The following PLCZ1 variants were observed in gnomAD, a reference collection of about 807,000 sequenced individuals.
The protein encoded by PLCZ1 is phospholipase C zeta 1.
PLCZ1 carries 64 observed loss-of-function variants against 76.8 expected under a neutral mutation model. That is an observed-to-expected ratio of 0.83 (90% confidence interval 0.68 to 1.03). The LOEUF is 1.03. Among genes scored for constraint, PLCZ1 ranks in the 50% least tolerant of loss-of-function variants. The pLI is 0.00. For missense variants in PLCZ1, 751 were observed against 713.7 expected (o/e 1.05, Z -0.60); for synonymous variants, 248 against 230.8 (o/e 1.07, Z -0.68).
At chr12:18,724,723 G>A (rs1479012623) in intron 3 of PLCZ1, among the ~76,000 whole-genome samples, 3 of 152,016 alleles carry the variant, frequency 2.0e-5, no homozygotes, top group African/African-American at 7.2e-5. Flanking sequence ...TGTGGAAGCG[G>A]ATGTTATAGA....
chr12:18,657,066 CA>C, the PLCZ1 span, among the ~76,000 whole-genome samples: 2 of 151,882 alleles, frequency 1.3e-5, no homozygotes, highest in African/African-American at 4.8e-5. Flanking sequence ...CTAGTGATCC[CA>C]AAAAAACAAG....
chr12:18,675,561 C>A, the PLCZ1 span, among the ~76,000 whole-genome samples: 1 of 152,132 alleles, frequency 6.6e-6, no homozygotes, highest in Non-Finnish European at 1.5e-5. Flanking sequence ...CAAAAACATA[C>A]CTGCACCTGT....
intron 4 of PLCZ1, among the ~76,000 whole-genome samples, chr12:18,720,401 T>C (rs1329261679): frequency 1.3e-5 from 2 of 151,472 alleles, no homozygotes; most frequent in Non-Finnish European, 2.9e-5. Flanking sequence ...TTCTGGGTCA[T>C]TTGTATCTGA....
rs368108617 is a variant in PLCZ1, at chr12:18,737,458, T to A, written c.-87A>T. 2 of 1,555,680 alleles carry A rather than the reference T, an allele frequency of 1.3e-6. No individual in the cohort carries two copies. The highest frequency in any genetic ancestry group is 1.4e-5 in the African/African-American group (1 of 73,576). ...CATGGGTTCCAAATACAATTAACTC[T>A]GCCCCTTTGCAGAAAATAATTTCTT... is the stretch of plus-strand genomic sequence containing the variant. On this transcript the variant is annotated 5_prime_UTR_variant, in exon 2 of 15. Coordinates refer to ENST00000266505, the MANE Select transcript of PLCZ1 (RefSeq NM_033123.4).
chr12:18,645,681 C>T, the PLCZ1 span, among the ~76,000 whole-genome samples: 1 of 152,110 alleles, frequency 6.6e-6, no homozygotes, highest in Non-Finnish European at 1.5e-5. Flanking sequence ...GGCTTTGTAG[C>T]AAGGCTTATA....
chr12:18,666,979 T>C, the PLCZ1 span, among the ~76,000 whole-genome samples: 1 of 152,196 alleles, frequency 6.6e-6, no homozygotes, highest in African/African-American at 2.4e-5. Context: ...GCAGAGAAAG[T>C]AGCAATCATG....
intron 12 of PLCZ1, among the ~76,000 whole-genome samples, chr12:18,690,081 T>C (rs772912051): frequency 3.3e-5 from 5 of 152,120 alleles, no homozygotes; most frequent in Non-Finnish European, 5.9e-5. Flanking sequence ...ACTTTCTCAA[T>C]AAAAGAGCAC....
At chr12:18,736,475 T>C in intron 2 of PLCZ1, 131 bp from the exon 3 acceptor site, 1 of 1,204,942 alleles carries the variant, frequency 8.3e-7, no homozygotes, top group Non-Finnish European at 1.1e-6. Flanking sequence ...TATAGTATAA[T>C]TGTATGATAA....
chr12:18,650,003 A>G, the PLCZ1 span, among the ~76,000 whole-genome samples: 1 of 151,838 alleles, frequency 6.6e-6, no homozygotes, highest in African/African-American at 2.4e-5. Context: ...TAATGATCTC[A>G]TCTCTCAAGG....
rs188925100 is a variant in PLCZ1, at chr12:18,705,546, G to A, written c.715-231C>T. Among the ~76,000 whole-genome samples, 265 of 152,200 alleles carry A rather than the reference G, an allele frequency of 1.7e-3. 7 individuals are homozygous for A. The highest frequency in any genetic ancestry group is 0.016 in the Admixed American group (240 of 15,284). ...CACCAAAAGAATAGGAACAACTGAA[G>A]CATCCATCAGTGAGTACTTATTTAA... On this transcript the variant is annotated intron_variant, in intron 6 of 14. Transcript: ENST00000266505.
chr12:18,737,985 G>A lies in PLCZ1; in HGVS notation c.-192C>T. 2 of 428,286 alleles carry A rather than the reference G, an allele frequency of 4.7e-6. No individual in the cohort carries two copies. Among genetic ancestry groups the A allele is most frequent in the South Asian group, 4.4e-5 (1 of 22,834 alleles). The allele number at this position is 428,286 out of a possible 1,614,324, so 26.5% of individuals were successfully genotyped here. A position where few individuals can be genotyped will look rare whatever the true frequency, so the allele number is the denominator to read the frequency against. On this transcript the variant is annotated 5_prime_UTR_variant, in exon 1 of 15. Transcript: ENST00000266505. The stretch of plus-strand genomic sequence containing the variant: ...TAAGTTCTTAAAATCTTCAAAAGAG[G>A]TATAGCTGGTTGGCTGGGCACCACA...
downstream of PLCZ1, chr12:18,683,079 C>A (rs558323361): frequency 4.4e-6 from 3 of 683,216 alleles, no homozygotes; most frequent in African/African-American, 3.7e-5. Context: ...TCTTTTCTTC[C>A]ACTGATTTAT....
chr12:18,696,984 C>G (rs1039305763), intron 10 of PLCZ1, among the ~76,000 whole-genome samples: 1 of 152,120 alleles, frequency 6.6e-6, no homozygotes, highest in African/African-American at 2.4e-5. Flanking sequence ...TGTACATATT[C>G]TTTGTGTTTC....
chr12:18,716,649 T>C (rs1958020961), intron 5 of PLCZ1, among the ~76,000 whole-genome samples: 1 of 152,232 alleles, frequency 6.6e-6, no homozygotes, highest in South Asian at 2.1e-4. Flanking sequence ...ATAGTCTCCA[T>C]GCCTTCTAGA....
intron 14 of PLCZ1, chr12:18,683,594 G>A: frequency 2.1e-6 from 3 of 1,442,394 alleles, no homozygotes; most frequent in South Asian, 2.4e-5. Flanking sequence ...CCACCCTTCT[G>A]CTTCAGGAAG....
At position 18,712,501 on chromosome 12, in the gene PLCZ1, TG is replaced by T. The variant is rs1309445712; in HGVS notation, c.714+340del. Among the ~76,000 whole-genome samples the T allele has an allele frequency of 5.1e-4, 77 of 152,112 alleles. 1 individual carries two copies. The highest frequency in any genetic ancestry group is 1.3e-4 in the Admixed American group (2 of 15,260). On this transcript the variant is annotated intron_variant, in intron 6 of 14. Transcript: ENST00000266505. ...TATTTTGTCTTGAAAGTAAAAGAGT[TG>T]AATATTGGTAAAATATCTACTATTA...
downstream of PLCZ1, chr12:18,683,032 C>T (rs535286043): frequency 6.7e-5 from 37 of 552,794 alleles, no homozygotes; most frequent in African/African-American, 3.8e-4. Flanking sequence ...CAAACAAGAA[C>T]GCCATGCTGG....
At chr12:18,682,598 ATTAAT>A (rs1414766311), downstream of PLCZ1, among the ~76,000 whole-genome samples, 1 of 152,064 alleles carries the variant, frequency 6.6e-6, no homozygotes, top group Non-Finnish European at 1.5e-5. Flanking sequence ...AACATTGCAA[ATTAAT>A]TTAAGATCCA....
chr12:18,725,096 CAAA>C lies in PLCZ1; in HGVS notation c.136-1557_136-1555del, dbSNP rs1438302544. 1.6e-4 allele frequency among the ~76,000 whole-genome samples: 24 copies of C among 152,050 alleles called. No homozygotes were observed. In the East Asian group the frequency reaches 2.7e-3, roughly 17 times the overall value. On this transcript the variant is annotated intron_variant, in intron 3 of 14. Coordinates refer to ENST00000266505, the MANE Select transcript of PLCZ1 (RefSeq NM_033123.4). The stretch of plus-strand genomic sequence containing the variant: ...AAGAATCACTATAGTTGATCAAAAT[CAAA>C]GAAGAATTCAAAGTCAAATGTTAAT...
Sources: gnomAD v4.1 joint callset for allele counts (sites outside exome capture counted in the v4.1 genomes callset) on GRCh38, gnomAD v4.1.1 for gene constraint, MANE v1.5 for transcripts, NCBI Gene and HGNC (gene_info 2026-07-23, HGNC 2026-07-21) for gene names.